Variants in FOXP2 observed in about 807,000 individuals in gnomAD.
The protein encoded by FOXP2 is forkhead box P2, also known as forkhead box protein P2.
In FOXP2, 12 loss-of-function variants were observed where a neutral mutation model predicts 115.8. The ratio of observed to expected loss-of-function variants is 0.10; its 90% CI spans 0.07 to 0.17. The LOEUF is 0.17. Among genes scored for constraint, FOXP2 ranks in the 10% least tolerant of loss-of-function variants. The pLI is 1.00. For synonymous variants in FOXP2, 328 were observed against 297.7 expected (o/e 1.10, Z -1.05); for missense variants, 629 against 843.5 (o/e 0.75, Z 3.15).
chr7:114,533,891 T>G (rs1375482269), intron 2 of FOXP2, among the ~76,000 whole-genome samples: 2 of 151,942 alleles, frequency 1.3e-5, no homozygotes, highest in Non-Finnish European at 2.9e-5. Context: ...ATTAATTTCT[T>G]ATGTTAAGTT....
chr7:114,476,174 C>G (rs1796250783), intron 2 of FOXP2, among the ~76,000 whole-genome samples: 1 of 150,168 alleles, frequency 6.7e-6, no homozygotes, highest in Non-Finnish European at 1.5e-5. Flanking sequence ...CTTTTGGGGA[C>G]TTAGCCAAAA....
At chr7:114,261,476 C>T (rs1208012469) in intron 1 of FOXP2, among the ~76,000 whole-genome samples, 6 of 152,006 alleles carry the variant, frequency 3.9e-5, no homozygotes, top group Non-Finnish European at 7.4e-5. Context: ...GTTAAAAGTA[C>T]GAGGATTTTA....
At chr7:114,617,235 G>T (rs1405182870) in intron 3 of FOXP2, among the ~76,000 whole-genome samples, 3 of 152,124 alleles carry the variant, frequency 2.0e-5, no homozygotes, top group African/African-American at 7.2e-5. Context: ...CATCATAAAT[G>T]AGACTGTCGT....
intron 3 of FOXP2, among the ~76,000 whole-genome samples, chr7:114,611,706 C>CCT (rs1211107904): frequency 1.4e-4 from 21 of 152,244 alleles, no homozygotes; most frequent in African/African-American, 3.6e-4. Flanking sequence ...AATCGCAATT[C>CCT]CTTTTTTCTT....
At chr7:114,607,118 G>C (rs1425990435) in intron 3 of FOXP2, among the ~76,000 whole-genome samples, 1 of 152,128 alleles carries the variant, frequency 6.6e-6, no homozygotes. Context: ...CTAGATGAAA[G>C]CCATCTTATA....
chr7:114,378,684 C>CAAAAAAAA (rs398005920), intron 2 of FOXP2, among the ~76,000 whole-genome samples: 3 of 18,092 alleles, frequency 1.7e-4, no homozygotes, highest in African/African-American at 5.7e-4. Flanking sequence ...ACCCTGTCTC[C>CAAAAAAAA]AAAAAAAAAA....
intron 1 of FOXP2, among the ~76,000 whole-genome samples, chr7:114,422,118 T>G (rs1016042411): frequency 6.6e-6 from 1 of 151,758 alleles, no homozygotes; most frequent in Non-Finnish European, 1.5e-5. Flanking sequence ...ATGTTTTAAA[T>G]TTGATGCCTT....
chr7:114,557,067 A>G (rs1792431388), intron 3 of FOXP2, among the ~76,000 whole-genome samples: 1 of 152,164 alleles, frequency 6.6e-6, no homozygotes, highest in Non-Finnish European at 1.5e-5. Flanking sequence ...TTTTTACATT[A>G]AGCAAGAAAG....
At position 114,378,120 on chromosome 7, in the gene FOXP2, G is replaced by A. The variant is rs546971887; in HGVS notation, c.-10-48382G>A. ...TAATTGTGAATATAATTTTGATTGT[G>A]CAAATAATTGTTTGATAACTCTTCA... On this transcript the variant is annotated intron_variant, in intron 2 of 17. Transcript: ENST00000634411. Among the ~76,000 whole-genome samples, 65 of 152,198 alleles carry A rather than the reference G, an allele frequency of 4.3e-4. 1 individual carries two copies. The highest frequency in any genetic ancestry group is 3.4e-3 in the Middle Eastern group (1 of 294).
intron 1 of FOXP2, among the ~76,000 whole-genome samples, chr7:114,248,204 GA>G (rs1562834977): frequency 1.3e-5 from 2 of 151,672 alleles, no homozygotes; most frequent in Non-Finnish European, 2.9e-5. Flanking sequence ...GAGAGAGAGA[GA>G]GAGAGAGACA....
chr7:114,107,925 T>A (rs750553299), intron 1 of FOXP2, among the ~76,000 whole-genome samples: 26 of 151,910 alleles, frequency 1.7e-4, no homozygotes, highest in Admixed American at 6.6e-5. Context: ...TTTAGTAAAA[T>A]TTTAAAGTCA....
At chr7:114,277,129 A>T (rs1183888669) in intron 1 of FOXP2, among the ~76,000 whole-genome samples, 2 of 152,328 alleles carry the variant, frequency 1.3e-5, no homozygotes, top group African/African-American at 4.8e-5. Context: ...CTCATCAGGA[A>T]AGTTCTTGTA....
chr7:114,163,638 C>G (rs1238106355), intron 1 of FOXP2, among the ~76,000 whole-genome samples: 2 of 152,110 alleles, frequency 1.3e-5, no homozygotes, highest in African/African-American at 4.8e-5. Context: ...GATTCCCTAT[C>G]TGTTAGGAAA....
At chr7:114,427,093 C>T (rs1793891221) in intron 2 of FOXP2, among the ~76,000 whole-genome samples, 1 of 151,672 alleles carries the variant, frequency 6.6e-6, no homozygotes. Context: ...ACCACAAGGA[C>T]TTTTCAAAAG....
At chr7:114,538,991 A>G (rs1799524764) in intron 3 of FOXP2, among the ~76,000 whole-genome samples, 1 of 151,928 alleles carries the variant, frequency 6.6e-6, no homozygotes. Flanking sequence ...AAGCTACATA[A>G]AAATTATTTA....
At chr7:114,264,605 A>G (rs747846602) in intron 1 of FOXP2, among the ~76,000 whole-genome samples, 7 of 152,162 alleles carry the variant, frequency 4.6e-5, no homozygotes, top group Non-Finnish European at 8.8e-5. Flanking sequence ...TTTAAAAATG[A>G]TATTTGTAGT....
intron 1 of FOXP2, among the ~76,000 whole-genome samples, chr7:114,168,431 G>A (rs1161982007): frequency 6.6e-6 from 1 of 152,166 alleles, no homozygotes; most frequent in Non-Finnish European, 1.5e-5. Context: ...TTATGTTTTA[G>A]CAGAGACGGG....
intron 2 of FOXP2, among the ~76,000 whole-genome samples, chr7:114,368,480 C>T: frequency 6.6e-6 from 1 of 152,110 alleles, no homozygotes; most frequent in East Asian, 1.9e-4. Flanking sequence ...ATATGTCAAA[C>T]CCTCCAGTTT....
At chr7:114,488,240 G>T (rs904146408) in intron 2 of FOXP2, among the ~76,000 whole-genome samples, 1 of 151,948 alleles carries the variant, frequency 6.6e-6, no homozygotes. Flanking sequence ...AGAACAGCAC[G>T]AGAAATACCC....
Sources: allele counts gnomAD v4.1 joint callset (sites outside exome capture counted in the v4.1 genomes callset), GRCh38; gene constraint gnomAD v4.1.1; transcripts MANE v1.5; gene names NCBI Gene and HGNC (gene_info 2026-07-23, HGNC 2026-07-21).